Variants in PACSIN2 observed in about 807,000 individuals in gnomAD.
The protein encoded by PACSIN2 is protein kinase C and casein kinase substrate in neurons 2.
A neutral mutation model predicts 63.8 loss-of-function variants in PACSIN2; 25 were observed. The observed-to-expected ratio is 0.39, with a 90% confidence interval of 0.29 to 0.55. PACSIN2 has a LOEUF of 0.55. Ranked by LOEUF, PACSIN2 falls within the 20% of genes least tolerant of loss-of-function variation. The probability of loss-of-function intolerance (pLI) is 0.62; values close to 1 mark genes in which losing one functional copy is unlikely to be tolerated. For missense variants in PACSIN2, 518 were observed against 646.9 expected, an observed-to-expected ratio of 0.80 and a Z score of 2.16; for synonymous variants, 255 against 256.2, an observed-to-expected ratio of 1.00 and a Z score of 0.05.
chr22:42,896,736 G>T (rs1014054127), intron 2 of PACSIN2, among the ~76,000 whole-genome samples: 2 of 152,210 alleles, frequency 1.3e-5, no homozygotes, highest in Non-Finnish European at 2.9e-5. Flanking sequence ...CATCAGCAAC[G>T]TATGAGACTT....
At chr22:42,887,247 C>T (rs934026403) in intron 5 of PACSIN2, among the ~76,000 whole-genome samples, 10 of 152,182 alleles carry the variant, frequency 6.6e-5, no homozygotes, top group African/African-American at 1.9e-4. Context: ...GTCTGAGTGA[C>T]GAACTCTCGT....
At position 42,966,301 on chromosome 22, in the gene PACSIN2, C is replaced by T. The variant is rs542106417; in HGVS notation, c.-78+48720G>A. Among the ~76,000 whole-genome samples, 5 of 148,704 alleles carry T rather than the reference C, an allele frequency of 3.4e-5. No individual in the cohort carries two copies. The East Asian group carries it at 1.1e-3, about 32-fold the overall frequency. On this transcript the variant is annotated intron_variant, in intron 1 of 10. Transcript: ENST00000263246. ...AGGAGAATTGCTTGAACCTGGGAGGCGGAGGTTGCAATGAGATCGTGCCCC... is the reference window on the plus strand; with the variant it reads ...AGGAGAATTGCTTGAACCTGGGAGGTGGAGGTTGCAATGAGATCGTGCCCC...
intron 1 of PACSIN2, among the ~76,000 whole-genome samples, chr22:42,917,568 T>C (rs1231617780): frequency 2.0e-5 from 3 of 152,128 alleles, no homozygotes; most frequent in Middle Eastern, 3.2e-3. Context: ...TGAGCTATTA[T>C]TGTGCCACTG....
intron 2 of PACSIN2, among the ~76,000 whole-genome samples, chr22:42,899,216 C>G (rs1311367285): frequency 6.6e-6 from 1 of 152,200 alleles, no homozygotes; most frequent in Non-Finnish European, 1.5e-5. Context: ...GAGGTAAAAC[C>G]ATAACATGAC....
At position 42,971,093 on chromosome 22, in the gene PACSIN2, T is replaced by TTCTCCC. The variant is rs570557433; in HGVS notation, c.-78+43922_-78+43927dup. Among the ~76,000 whole-genome samples the TTCTCCC allele has an allele frequency of 2.8e-3, 431 of 152,228 alleles. 4 individuals carry two copies. Among genetic ancestry groups the TTCTCCC allele is most frequent in the Middle Eastern group, 0.02 (6 of 294 alleles). ...ATTACAAACCACCATGATAAAAATA[T>TTCTCCC]TCTCCCTCTCCCTCTCCCTCCACGG... On this transcript the variant is annotated intron_variant, in intron 1 of 10. Transcript: ENST00000263246.
At chr22:42,972,570 T>C (rs913125170) in intron 1 of PACSIN2, among the ~76,000 whole-genome samples, 1 of 152,016 alleles carries the variant, frequency 6.6e-6, no homozygotes, top group African/African-American at 2.4e-5. Flanking sequence ...CTTATACATC[T>C]AGGAAAAAAA....
intron 1 of PACSIN2, among the ~76,000 whole-genome samples, chr22:42,926,672 GAA>G (rs56964351): frequency 0.023 from 3,426 of 145,856 alleles, 128 homozygotes; most frequent in African/African-American, 0.081. Flanking sequence ...CTTCCCACAG[GAA>G]AAAAAAAAAA....
chr22:42,972,426 C>G (rs1921396086), intron 1 of PACSIN2, among the ~76,000 whole-genome samples: 1 of 152,216 alleles, frequency 6.6e-6, no homozygotes, highest in East Asian at 1.9e-4. Flanking sequence ...ACATGTTTAT[C>G]TGCTGACCTT....
intron 1 of PACSIN2, among the ~76,000 whole-genome samples, chr22:42,934,541 T>C (rs1481706662): frequency 6.6e-6 from 1 of 152,236 alleles, no homozygotes; most frequent in Non-Finnish European, 1.5e-5. Context: ...TTGCCCCTCA[T>C]GGGCTGGCCC....
At chr22:42,960,706 G>A (rs1361744424) in intron 1 of PACSIN2, among the ~76,000 whole-genome samples, 1 of 152,206 alleles carries the variant, frequency 6.6e-6, no homozygotes, top group Non-Finnish European at 1.5e-5. Flanking sequence ...ACAGGGAAGA[G>A]AAAGAGGAGG....
At chr22:42,991,632 C>G (rs762993420) in intron 1 of PACSIN2, among the ~76,000 whole-genome samples, 15 of 152,130 alleles carry the variant, frequency 9.9e-5, no homozygotes, top group Non-Finnish European at 1.9e-4. Context: ...CTGGGAACTC[C>G]CAGGTGCGAT....
Position 43,014,321 on chromosome 22 carries a change from T to TACACAC in PACSIN2, c.-78+694_-78+699dup, listed in dbSNP as rs139728514. Among the ~76,000 whole-genome samples the TACACAC allele has an allele frequency of 3.0e-3, 388 of 130,394 alleles. 4 individuals carry two copies. The highest frequency in any genetic ancestry group is 4.7e-3 in the Middle Eastern group (1 of 212). The allele number at this position is 130,394 out of a possible 152,430, so 85.5% of individuals were successfully genotyped here. Reference sequence around the variant, plus strand: ...GGTAAGGGCTTTGCTCCCCCCGCCCTACACACACACACACACACACACACA... The same window carrying TACACAC: ...GGTAAGGGCTTTGCTCCCCCCGCCCTACACACACACACACACACACACACACACACA... On this transcript the variant is annotated intron_variant, in intron 1 of 10. Coordinates refer to ENST00000263246, the MANE Select transcript of PACSIN2 (RefSeq NM_001184970.3).
chr22:42,933,348 G>A (rs181996989), intron 1 of PACSIN2, among the ~76,000 whole-genome samples: 36 of 152,322 alleles, frequency 2.4e-4, no homozygotes, highest in Middle Eastern at 6.8e-3. Flanking sequence ...GGGCAAAGCC[G>A]ACTTCACCAG....
At chr22:42,955,321 G>A (rs537387434) in intron 1 of PACSIN2, among the ~76,000 whole-genome samples, 5 of 152,084 alleles carry the variant, frequency 3.3e-5, no homozygotes, top group African/African-American at 7.2e-5. Context: ...ACGAACGAAC[G>A]AAAAAACAAA....
intron 1 of PACSIN2, among the ~76,000 whole-genome samples, chr22:42,944,905 C>T (rs1933343667): frequency 1.3e-5 from 2 of 152,072 alleles, no homozygotes; most frequent in South Asian, 2.1e-4. Flanking sequence ...CAAGACCAGC[C>T]GGGCCAACAC....
chr22:42,969,628 C>T (rs5759065), intron 1 of PACSIN2, among the ~76,000 whole-genome samples: 29,818 of 151,994 alleles, frequency 0.2, 4,429 homozygotes, highest in East Asian at 0.7. Flanking sequence ...CCTTCTCCTA[C>T]GTAGTTTCTA....
chr22:42,965,110 T>C (rs1920941922), intron 1 of PACSIN2, among the ~76,000 whole-genome samples: 1 of 152,180 alleles, frequency 6.6e-6, no homozygotes, highest in South Asian at 2.1e-4. Context: ...TAAAAAGGAA[T>C]GAGCTACTGA....
intron 4 of PACSIN2, among the ~76,000 whole-genome samples, chr22:42,889,931 A>T (rs1203108387): frequency 6.6e-6 from 1 of 152,178 alleles, no homozygotes; most frequent in Non-Finnish European, 1.5e-5. Context: ...AAAAAAAATA[A>T]AGTGAAAGCA....
In PACSIN2 at chr22:42,996,732, C is replaced by A. The variant is rs558265404; in HGVS notation, c.-78+18289G>T. 3.3e-5 allele frequency among the ~76,000 whole-genome samples: 5 copies of A among 152,102 alleles called. 1 individual carries two copies. The South Asian group carries it at 1.0e-3, about 32-fold the overall frequency. ...AAGCAGAGAATAGAGACGGTCCAGGCCAAAATGGACACACTGAATTTTTTG... is the reference window on the plus strand; with the variant it reads ...AAGCAGAGAATAGAGACGGTCCAGGACAAAATGGACACACTGAATTTTTTG... On this transcript the variant is annotated intron_variant, in intron 1 of 10. Coordinates refer to ENST00000263246, the MANE Select transcript of PACSIN2 (RefSeq NM_001184970.3).
Sources: gnomAD v4.1 joint callset for allele counts (sites outside exome capture counted in the v4.1 genomes callset) on GRCh38, gnomAD v4.1.1 for gene constraint, MANE v1.5 for transcripts, NCBI Gene and HGNC (gene_info 2026-07-23, HGNC 2026-07-21) for gene names.